Variants in SLC25A13 observed in about 807,000 individuals in gnomAD.
SLC25A13 encodes solute carrier family 25 member 13, also known as electrogenic aspartate/glutamate antiporter SLC25A13, mitochondrial.
Under a neutral mutation model 85.5 loss-of-function variants are expected in SLC25A13, and 70 were observed. That is an observed-to-expected ratio of 0.82 (90% confidence interval 0.68 to 1.00). The LOEUF (loss-of-function observed/expected upper bound fraction) is 1.00. SLC25A13 is among the 50% of genes least tolerant of loss of function. The pLI is 0.00. For synonymous variants in SLC25A13, 259 were observed against 288.7 expected (o/e 0.90, Z 1.04); for missense variants, 765 against 819.8 (o/e 0.93, Z 0.82).
intron 1 of SLC25A13, among the ~76,000 whole-genome samples, chr7:96,301,199 C>T (rs1007735940): frequency 2.0e-5 from 3 of 152,170 alleles, no homozygotes; most frequent in African/African-American, 7.2e-5. Context: ...GATTATTAGA[C>T]TTAGTTCATT....
At chr7:96,250,011 C>T (rs1797353411) in intron 3 of SLC25A13, among the ~76,000 whole-genome samples, 1 of 152,024 alleles carries the variant, frequency 6.6e-6, no homozygotes, top group South Asian at 2.1e-4. Context: ...TGGTGAACCC[C>T]ATCTCTACCA....
chr7:96,283,243 A>G (rs1168036823), intron 2 of SLC25A13: 4 of 179,802 alleles, frequency 2.2e-5, no homozygotes, highest in African/African-American at 7.1e-5. Context: ...TAGTGCTTCA[A>G]TAAGTTAGGG....
intron 4 of SLC25A13, among the ~76,000 whole-genome samples, chr7:96,227,324 A>G (rs182702887): frequency 6.6e-6 from 1 of 152,220 alleles, no homozygotes; most frequent in African/African-American, 2.4e-5. Flanking sequence ...TTATTTAAAA[A>G]CTTTAAAAAT....
In SLC25A13 at chr7:96,210,194, T is replaced by TA. The variant is rs1282155248; in HGVS notation, c.329-1218dup. Among the ~76,000 whole-genome samples the TA allele has an allele frequency of 3.3e-5, 5 of 152,140 alleles. No homozygotes were observed. In the East Asian group the frequency reaches 7.7e-4, roughly 23 times the overall value. Reference sequence around the variant, plus strand: ...GTGTGTATTTGCACAGAGAAGGCAGTAAAAAATCAGGATTATGCTGGGCAT... The same window carrying TA: ...GTGTGTATTTGCACAGAGAAGGCAGTAAAAAAATCAGGATTATGCTGGGCAT... On this transcript the variant is annotated intron_variant, in intron 4 of 17. Transcript: ENST00000265631.
chr7:96,175,189 T>TC (rs1455604527), intron 11 of SLC25A13, among the ~76,000 whole-genome samples: 1 of 152,114 alleles, frequency 6.6e-6, no homozygotes, highest in Non-Finnish European at 1.5e-5. Context: ...CCCTGGGACT[T>TC]CAAGGGTGAG....
intron 3 of SLC25A13, among the ~76,000 whole-genome samples, chr7:96,272,107 C>T (rs1457167257): frequency 2.0e-5 from 3 of 152,082 alleles, no homozygotes; most frequent in African/African-American, 4.8e-5. Flanking sequence ...AGGCTGGTCT[C>T]GAACTCCTGA....
chr7:96,209,297 A>G (rs956091852), intron 4 of SLC25A13, among the ~76,000 whole-genome samples: 4 of 149,856 alleles, frequency 2.7e-5, no homozygotes, highest in Non-Finnish European at 4.4e-5. Flanking sequence ...TCAAGAAATA[A>G]TGATTATTTT....
rs572808767 is a variant in SLC25A13 at position 96,228,327 on chromosome 7, T to C, written c.328+6475A>G. Among the ~76,000 whole-genome samples the C allele has an allele frequency of 2.0e-5, 3 of 152,330 alleles. No individual in the cohort carries two copies. The South Asian group carries it at 6.2e-4, about 32-fold the overall frequency. ...AAACATATAACCCTCAGAGGTCTTG[T>C]ATCCAGAAAATACGCACATGACTGA... On this transcript the variant is annotated intron_variant, in intron 4 of 17. Coordinates refer to ENST00000265631, the MANE Select transcript of SLC25A13 (RefSeq NM_014251.3).
intron 11 of SLC25A13, among the ~76,000 whole-genome samples, chr7:96,175,238 G>A (rs983785296): frequency 6.6e-6 from 1 of 152,214 alleles, no homozygotes; most frequent in African/African-American, 2.4e-5. Context: ...GAGCAGAATG[G>A]AGGGCAAGGT....
At chr7:96,249,672 G>A (rs545189079) in intron 3 of SLC25A13, among the ~76,000 whole-genome samples, 1 of 152,082 alleles carries the variant, frequency 6.6e-6, no homozygotes, top group East Asian at 1.9e-4. Context: ...TAAAACGCAG[G>A]CCATTACAAC....
chr7:96,245,853 G>A (rs780931966), intron 3 of SLC25A13, among the ~76,000 whole-genome samples: 10 of 152,130 alleles, frequency 6.6e-5, no homozygotes, highest in Non-Finnish European at 8.8e-5. Flanking sequence ...ACTGATTAAG[G>A]CAAATAAAGC....
In SLC25A13 at chr7:96,250,556, G is replaced by C. The variant is rs138079908; in HGVS notation, c.213-15639C>G. 3.5e-4 allele frequency among the ~76,000 whole-genome samples: 53 copies of C among 152,204 alleles called. No homozygotes were observed. The Middle Eastern group carries it at 0.01, about 29-fold the overall frequency. ...GTAAGGATGCTGAAGAATGGGGCAG[G>C]ATTCTCAAAAATATGAGAATCTAAT... On this transcript the variant is annotated intron_variant, in intron 3 of 17. Coordinates refer to ENST00000265631, the MANE Select transcript of SLC25A13 (RefSeq NM_014251.3).
Position 96,147,901 on chromosome 7 carries a change from G to A in SLC25A13, c.1312-1205C>T, listed in dbSNP as rs758722158. On this transcript the variant is annotated intron_variant, in intron 13 of 17. Transcript: ENST00000265631. ...AATACACCAAAGTGGTGCTTCTGAA[G>A]TGGTGGGATTACAAGTATCTTTCTT... Among the ~76,000 whole-genome samples, 38 of 151,828 alleles carry A rather than the reference G, an allele frequency of 2.5e-4. 1 individual carries two copies. The highest frequency in any genetic ancestry group is 1.3e-4 in the Admixed American group (2 of 15,264).
chr7:96,214,459 G>A (rs994423046), intron 4 of SLC25A13, among the ~76,000 whole-genome samples: 3 of 152,216 alleles, frequency 2.0e-5, no homozygotes, highest in Admixed American at 6.5e-5. Context: ...CAGGCGCAGT[G>A]GCCCACGCCT....
Position 96,121,258 on chromosome 7 carries a change from A to G in SLC25A13, c.1961T>C (p.Phe654Ser), listed in dbSNP as rs779551695. Residue 654 changes from phenylalanine (F) to serine (S), a missense_variant, in exon 18 of 18, where the codon TTT becomes TCT. Coordinates refer to ENST00000265631, the MANE Select transcript of SLC25A13 (RefSeq NM_014251.3). ...CTTGAAGAGAGGTAGGTAAAGTCCA[A>G]ATTTGTTTTCAATCCCTGCAAATGT... is the stretch of plus-strand genomic sequence containing the variant. ...VATFAGIENK[F>S]GLYLPLFKPS... 8 of 1,614,134 alleles carry G rather than the reference A, an allele frequency of 5.0e-6. No homozygotes were observed. Among genetic ancestry groups the G allele is most frequent in the Non-Finnish European group, 6.8e-6 (8 of 1,180,018 alleles).
intron 13 of SLC25A13, among the ~76,000 whole-genome samples, chr7:96,153,222 C>T (rs17167382): frequency 0.011 from 1,675 of 152,232 alleles, 23 homozygotes; most frequent in African/African-American, 0.039. Context: ...ACTATTTATG[C>T]TTTGGAGATT....
intron 9 of SLC25A13, 149 bp from the exon 10 acceptor site, chr7:96,185,160 G>A: frequency 1.8e-6 from 1 of 553,602 alleles, no homozygotes; most frequent in Non-Finnish European, 3.1e-6. Context: ...AAGTAGGAAT[G>A]GATTTCATAA....
At chr7:96,202,537 A>G (rs1280735195) in intron 5 of SLC25A13, among the ~76,000 whole-genome samples, 2 of 72,498 alleles carry the variant, frequency 2.8e-5, no homozygotes, top group Non-Finnish European at 5.5e-5. Context: ...AGGCCTCTCC[A>G]CAATTCAGAG....
chr7:96,134,813 A>AT lies in SLC25A13; in HGVS notation c.1453-2933_1453-2932insA, dbSNP rs1554337551. Among the ~76,000 whole-genome samples, 395 of 142,932 alleles carry AT rather than the reference A, an allele frequency of 2.8e-3. 10 individuals carry two copies. The highest frequency in any genetic ancestry group is 9.8e-3 in the African/African-American group (365 of 37,388). 93.8% of individuals were successfully genotyped at this position (142,932 alleles called of 152,430 possible). A position where few individuals can be genotyped will look rare whatever the true frequency, so the allele number is the denominator to read the frequency against. ...CAATTTTATATATATATATATATAT[A>AT]ACCCTGAGGAAAGGGTAGAATTGCA... On this transcript the variant is annotated intron_variant, in intron 14 of 17. Transcript: ENST00000265631.
Sources: gnomAD v4.1 joint callset for allele counts (sites outside exome capture counted in the v4.1 genomes callset) on GRCh38, gnomAD v4.1.1 for gene constraint, MANE v1.5 for transcripts, NCBI Gene and HGNC (gene_info 2026-07-23, HGNC 2026-07-21) for gene names.